ST8SIA5: variants seen among roughly 807,000 people sequenced by gnomAD.
ST8SIA5 encodes the protein ST8 alpha-N-acetyl-neuraminide alpha-2,8-sialyltransferase 5, also known as alpha-2,8-sialyltransferase 8E.
In ST8SIA5, 24 loss-of-function variants were observed where a neutral mutation model predicts 40.2. The observed-to-expected ratio is 0.60, with a 90% CI of 0.43 to 0.84. The LOEUF (loss-of-function observed/expected upper bound fraction) is 0.84. Among genes scored for constraint, ST8SIA5 ranks in the 40% least tolerant of loss-of-function variants. ST8SIA5 has a pLI of 0.00. For missense variants in ST8SIA5, 465 were observed against 498.5 expected (o/e 0.93, Z 0.64); for synonymous variants, 198 against 201.8 (o/e 0.98, Z 0.16).
rs780850715 is a variant in ST8SIA5 at position 46,680,398 on chromosome 18, T to G, written c.775A>C (p.Ile259Leu). The change falls in exon 7 of 7, where the codon ATC (isoleucine) becomes CTC (leucine). Residue 259 changes from isoleucine to leucine, a missense_variant. Physicochemically the swap from Ile to Leu is conservative, Grantham distance 5. Transcript: ENST00000315087. ...FYNTRNTDVSIRVKYVLDDFE... is the reference protein window; with the variant it reads ...FYNTRNTDVSLRVKYVLDDFE... ...TCGTCCAGCACGTACTTGACGCGGA[T>G]GGACACGTCGGTGTTGCGCGTGTTG... The G allele has an allele frequency of 6.2e-7, 1 of 1,613,884 alleles. No individual in the cohort carries two copies. The highest frequency in any genetic ancestry group is 1.7e-5 in the Admixed American group (1 of 59,968).
rs556701139 is a variant in ST8SIA5 at position 46,756,839 on chromosome 18, G to C, written c.-331C>G. The C allele has an allele frequency of 2.7e-4, 76 of 279,316 alleles. No individual in the cohort carries two copies. The East Asian group carries it at 3.5e-3, about 13-fold the overall frequency. 17.3% of individuals were successfully genotyped at this position (279,316 alleles called of 1,614,324 possible). On this transcript the variant is annotated 5_prime_UTR_variant, in exon 1 of 7. Transcript: ENST00000315087. ...GCGGAGGGGAGACGCCAGGTGCCAC[G>C]AGCCGGAGGCGGCCCCTCCCGCCGA...
At chr18:46,714,712 C>T (rs548274639) in intron 1 of ST8SIA5, among the ~76,000 whole-genome samples, 2 of 152,332 alleles carry the variant, frequency 1.3e-5, no homozygotes, top group Admixed American at 6.5e-5. Context: ...ACTCCACCTC[C>T]ACGGAGCCCT....
At chr18:46,701,371 C>A (rs7232509) in intron 2 of ST8SIA5, among the ~76,000 whole-genome samples, 14,712 of 151,854 alleles carry the variant, frequency 0.097, 971 homozygotes, top group African/African-American at 0.18. Flanking sequence ...AAACTCCTGA[C>A]CTCAGGTGAT....
At chr18:46,737,420 C>A (rs1046322463) in intron 1 of ST8SIA5, among the ~76,000 whole-genome samples, 1 of 152,164 alleles carries the variant, frequency 6.6e-6, no homozygotes, top group African/African-American at 2.4e-5. Context: ...CCAAATAATT[C>A]TTTAGTAGCA....
intron 1 of ST8SIA5, among the ~76,000 whole-genome samples, chr18:46,731,320 G>A (rs535162967): frequency 2.0e-5 from 3 of 152,200 alleles, no homozygotes; most frequent in South Asian, 2.1e-4. Context: ...TGGTAGCGAC[G>A]ATGATGGCTG....
chr18:46,684,585 G>C (rs867399828), intron 5 of ST8SIA5, among the ~76,000 whole-genome samples: 2 of 152,138 alleles, frequency 1.3e-5, no homozygotes, highest in Non-Finnish European at 2.9e-5. Flanking sequence ...AGGCTCCCCA[G>C]CTTCAGAGCC....
intron 2 of ST8SIA5, among the ~76,000 whole-genome samples, chr18:46,697,592 G>C (rs1018223287): frequency 6.6e-6 from 1 of 152,194 alleles, no homozygotes; most frequent in Non-Finnish European, 1.5e-5. Context: ...TATAGTCCCA[G>C]CTACTCAGGA....
intron 1 of ST8SIA5, among the ~76,000 whole-genome samples, chr18:46,714,674 A>C (rs1028198375): frequency 1.3e-5 from 2 of 152,094 alleles, no homozygotes; most frequent in Non-Finnish European, 2.9e-5. Context: ...CCCAGGAGTG[A>C]CTGAGCAGGG....
intron 1 of ST8SIA5, among the ~76,000 whole-genome samples, chr18:46,744,889 T>A (rs567567193): frequency 6.6e-6 from 1 of 152,186 alleles, no homozygotes; most frequent in Non-Finnish European, 1.5e-5. Context: ...TGCAATCAAA[T>A]TAGAACTCAG....
At chr18:46,722,276 A>G (rs1442107534) in intron 1 of ST8SIA5, among the ~76,000 whole-genome samples, 1 of 152,170 alleles carries the variant, frequency 6.6e-6, no homozygotes, top group Non-Finnish European at 1.5e-5. Context: ...TTCCCATACC[A>G]GGCCCTCTTC....
Position 46,676,508 on chromosome 18 carries a change from C to T in ST8SIA5, c.*3534G>A, listed in dbSNP as rs997298772. 1.3e-5 allele frequency: 2 copies of T among 152,268 alleles called. No homozygotes were observed. The highest frequency in any genetic ancestry group is 4.8e-5 in the African/African-American group (2 of 41,450). 9.4% of individuals were successfully genotyped at this position (152,268 alleles called of 1,614,324 possible). ...AGCACTGCTCTGCTTCCTCCCTGCTCTCAGCAAAGTCAAGGGCGATGAGCA... is the reference window on the plus strand; with the variant it reads ...AGCACTGCTCTGCTTCCTCCCTGCTTTCAGCAAAGTCAAGGGCGATGAGCA... On this transcript the variant is annotated 3_prime_UTR_variant, in exon 7 of 7. Transcript: ENST00000315087.
intron 1 of ST8SIA5, among the ~76,000 whole-genome samples, chr18:46,718,382 T>C (rs2144523113): frequency 6.6e-6 from 1 of 151,940 alleles, no homozygotes; most frequent in Middle Eastern, 3.4e-3. Flanking sequence ...TTAAATCAGT[T>C]CCCCTAAGGA....
intron 1 of ST8SIA5, among the ~76,000 whole-genome samples, chr18:46,749,949 G>A (rs2040180962): frequency 6.6e-6 from 1 of 152,134 alleles, no homozygotes; most frequent in Admixed American, 6.5e-5. Flanking sequence ...GAAACAAGAA[G>A]TCTACAACCT....
intron 2 of ST8SIA5, among the ~76,000 whole-genome samples, chr18:46,699,224 T>G (rs765232203): frequency 2.6e-5 from 4 of 152,192 alleles, no homozygotes; most frequent in Non-Finnish European, 5.9e-5. Context: ...TAAGAGATAC[T>G]GTTGATATTT....
At chr18:46,721,390 C>A in intron 1 of ST8SIA5, 2 of 1,536,146 alleles carry the variant, frequency 1.3e-6, no homozygotes, top group Non-Finnish European at 1.7e-6. Context: ...CCGCTCTGCA[C>A]TGCTGGATCA....
At position 46,685,398 on chromosome 18, in the gene ST8SIA5, CAG is replaced by C. The variant is rs529694467; in HGVS notation, c.569+774_569+775del. Among the ~76,000 whole-genome samples the C allele has an allele frequency of 1.9e-4, 29 of 152,334 alleles. No individual in the cohort carries two copies. In the East Asian group the frequency reaches 4.6e-3, roughly 24 times the overall value. On this transcript the variant is annotated intron_variant, in intron 5 of 6. Coordinates refer to ENST00000315087, the MANE Select transcript of ST8SIA5 (RefSeq NM_013305.6). ...GAGCACATGGGCAGACTCCAGATCA[CAG>C]AGAGAGGTGTGTCTCTCACACTCCG...
At chr18:46,753,392 GA>G (rs2040212824) in intron 1 of ST8SIA5, among the ~76,000 whole-genome samples, 1 of 152,010 alleles carries the variant, frequency 6.6e-6, no homozygotes, top group Non-Finnish European at 1.5e-5. Context: ...CTAACAGGCT[GA>G]AAACCCGTCT....
chr18:46,755,965 TAAACAAAC>T lies in ST8SIA5; in HGVS notation c.131+405_131+412del, dbSNP rs532726055. Among the ~76,000 whole-genome samples, 75 of 152,156 alleles carry T rather than the reference TAAACAAAC, an allele frequency of 4.9e-4. No homozygotes were observed. The South Asian group carries it at 8.5e-3, about 17-fold the overall frequency. On this transcript the variant is annotated intron_variant, in intron 1 of 6. Transcript: ENST00000315087. ...CGAAAGTTCAGGACTCGCGAGGTTA[TAAACAAAC>T]AAACAAACAAACAAACAATCGATAC... is the stretch of plus-strand genomic sequence containing the variant.
At chr18:46,742,525 G>A (rs752532446) in intron 1 of ST8SIA5, among the ~76,000 whole-genome samples, 4 of 152,076 alleles carry the variant, frequency 2.6e-5, no homozygotes, top group Non-Finnish European at 4.4e-5. Context: ...TGCAAATCAC[G>A]TACCTGATAA....
Sources: gnomAD v4.1 joint callset for allele counts (sites outside exome capture counted in the v4.1 genomes callset) on GRCh38, gnomAD v4.1.1 for gene constraint, MANE v1.5 for transcripts, NCBI Gene and HGNC (gene_info 2026-07-23, HGNC 2026-07-21) for gene names.